TBC1D22A: variants seen among roughly 807,000 people sequenced by gnomAD.
TBC1D22A encodes the protein putative GTPase activator.
TBC1D22A carries 38 observed loss-of-function variants against 60.2 expected under a neutral mutation model. The observed-to-expected ratio is 0.63, with a 90% confidence interval of 0.49 to 0.83. The LOEUF is 0.83. Among genes scored for constraint, TBC1D22A ranks in the 40% least tolerant of loss-of-function variants. TBC1D22A has a pLI of 0.00. For missense variants in TBC1D22A, 628 were observed against 701.0 expected (o/e 0.90, Z 1.18); for synonymous variants, 302 against 281.7 (o/e 1.07, Z -0.72).
chr22:47,076,398 C>A (rs975167545), intron 11 of TBC1D22A, among the ~76,000 whole-genome samples: 2 of 102,248 alleles, frequency 2.0e-5, no homozygotes, highest in Admixed American at 1.1e-4. Flanking sequence ...CACACACACA[C>A]ACACACACAC....
intron 4 of TBC1D22A, among the ~76,000 whole-genome samples, chr22:46,808,491 A>G (rs916868712): frequency 6.6e-6 from 1 of 152,240 alleles, no homozygotes; most frequent in African/African-American, 2.4e-5. Flanking sequence ...CCAAGAATAA[A>G]GCAAATCCTT....
chr22:46,917,762 G>A (rs1246987214), intron 8 of TBC1D22A, among the ~76,000 whole-genome samples: 3 of 152,122 alleles, frequency 2.0e-5, no homozygotes, highest in East Asian at 1.9e-4. Flanking sequence ...GGAGTGCAGC[G>A]GGTCACAGGA....
At chr22:47,042,369 G>A (rs575572982) in intron 11 of TBC1D22A, among the ~76,000 whole-genome samples, 3 of 152,208 alleles carry the variant, frequency 2.0e-5, no homozygotes, top group Admixed American at 6.5e-5. Flanking sequence ...CATGGCTCCC[G>A]GTCTGTGGAA....
At chr22:46,945,543 C>T (rs2072481437) in intron 8 of TBC1D22A, among the ~76,000 whole-genome samples, 2 of 152,198 alleles carry the variant, frequency 1.3e-5, no homozygotes, top group Admixed American at 1.3e-4. Flanking sequence ...ACCCAGGCTG[C>T]AGCTGTGCTG....
rs2068176629 is a variant in TBC1D22A at position 47,165,631 on chromosome 22, G to A, written c.1426-7867G>A. ...AGTGTGGGTGCCACAGGGTTGCCGG[G>A]CTTGCTGCATGCCTCCTGGGACAAG... On this transcript the variant is annotated intron_variant, in intron 12 of 12. Coordinates refer to ENST00000337137, the MANE Select transcript of TBC1D22A (RefSeq NM_014346.5). 2.0e-5 allele frequency among the ~76,000 whole-genome samples: 3 copies of A among 152,142 alleles called. No homozygotes were observed. In the South Asian group the frequency reaches 6.2e-4, roughly 31 times the overall value.
Position 47,047,362 on chromosome 22 carries a change from G to A in TBC1D22A, c.1329+10164G>A, listed in dbSNP as rs545151165. On this transcript the variant is annotated intron_variant, in intron 11 of 12. Coordinates refer to ENST00000337137, the MANE Select transcript of TBC1D22A (RefSeq NM_014346.5). ...ATTATTGAATTGTATCTTTGTGGCCGGTGATTGAAATCATAGTCCTAAAGA... is the reference window on the plus strand; with the variant it reads ...ATTATTGAATTGTATCTTTGTGGCCAGTGATTGAAATCATAGTCCTAAAGA... Among the ~76,000 whole-genome samples, 4 of 152,336 alleles carry A rather than the reference G, an allele frequency of 2.6e-5. No homozygotes were observed. In the South Asian group the frequency reaches 8.3e-4, roughly 32 times the overall value.
At chr22:47,056,618 G>A (rs1157932981) in intron 11 of TBC1D22A, among the ~76,000 whole-genome samples, 1 of 152,120 alleles carries the variant, frequency 6.6e-6, no homozygotes, top group African/African-American at 2.4e-5. Flanking sequence ...TCTTCTCACC[G>A]CTGCCTGAGC....
chr22:46,975,866 G>A (rs2074273839), intron 9 of TBC1D22A, among the ~76,000 whole-genome samples: 1 of 152,204 alleles, frequency 6.6e-6, no homozygotes, highest in African/African-American at 2.4e-5. Context: ...GAAGCCTGTT[G>A]TGCGGTTGGA....
At chr22:47,147,346 C>G (rs897282174) in intron 12 of TBC1D22A, among the ~76,000 whole-genome samples, 1 of 152,234 alleles carries the variant, frequency 6.6e-6, no homozygotes, top group African/African-American at 2.4e-5. Context: ...ATTTCTGTGA[C>G]TCCTGTTACC....
At chr22:47,060,553 C>T (rs922247500) in intron 11 of TBC1D22A, among the ~76,000 whole-genome samples, 2 of 152,188 alleles carry the variant, frequency 1.3e-5, no homozygotes, top group East Asian at 1.9e-4. Flanking sequence ...ACCTCAGCCT[C>T]CCGAGTAGCT....
intron 11 of TBC1D22A, among the ~76,000 whole-genome samples, chr22:47,058,713 C>T (rs1004014303): frequency 1.1e-4 from 17 of 152,246 alleles, no homozygotes; most frequent in African/African-American, 4.1e-4. Context: ...GTGGCTCTGC[C>T]CCACCAGGCT....
At position 46,891,364 on chromosome 22, in the gene TBC1D22A, C is replaced by T. The variant is rs147438259; in HGVS notation, c.807C>T (p.Asn269=). ...TTGAGCACTATTACGATTCTAGGAA[C>T]GACGAAGTTCACCAGGACACATACA... ...AFIEHYYDSR[N]DEVHQDTYRQ... is the part of the protein sequence containing the mutation. Residue 269 remains asparagine (N), a synonymous_variant, in exon 6 of 13, where the codon AAC becomes AAT. Transcript: ENST00000337137. 5.0e-5 allele frequency: 80 copies of T among 1,612,476 alleles called. No homozygotes were observed. The East Asian group carries it at 8.9e-4, about 18-fold the overall frequency.
At chr22:47,089,002 C>G (rs1569434183) in intron 11 of TBC1D22A, among the ~76,000 whole-genome samples, 1 of 152,086 alleles carries the variant, frequency 6.6e-6, no homozygotes, top group Non-Finnish European at 1.5e-5. Flanking sequence ...ATAAACTAGC[C>G]AGAACTAGAG....
chr22:47,132,528 C>T (rs1258854077), intron 12 of TBC1D22A, among the ~76,000 whole-genome samples: 1 of 152,212 alleles, frequency 6.6e-6, no homozygotes, highest in Non-Finnish European at 1.5e-5. Context: ...GCCCTGCTGT[C>T]TCTGGCCTGC....
chr22:46,851,437 T>G (rs965098540), intron 4 of TBC1D22A, among the ~76,000 whole-genome samples: 1 of 152,220 alleles, frequency 6.6e-6, no homozygotes, highest in Non-Finnish European at 1.5e-5. Flanking sequence ...TCCCCAGAGC[T>G]TGGTGCCTGA....
rs546760035 is a variant in TBC1D22A at position 47,037,352 on chromosome 22, G to A, written c.1329+154G>A. 1.3e-4 allele frequency among the ~76,000 whole-genome samples: 20 copies of A among 152,128 alleles called. No homozygotes were observed. The East Asian group carries it at 3.1e-3, about 24-fold the overall frequency. On this transcript the variant is annotated intron_variant, in intron 11 of 12. Transcript: ENST00000337137. ...GTCTTTAAAAAGTATACTCCTGGCCGGGCGCGGTGGCTCATGCCTGTAATC... is the reference window on the plus strand; with the variant it reads ...GTCTTTAAAAAGTATACTCCTGGCCAGGCGCGGTGGCTCATGCCTGTAATC...
chr22:46,920,834 G>A (rs960817321), intron 8 of TBC1D22A, among the ~76,000 whole-genome samples: 4 of 151,064 alleles, frequency 2.6e-5, no homozygotes, highest in African/African-American at 4.9e-5. Flanking sequence ...GCAGTCGTGC[G>A]ATATCGGCTC....
In TBC1D22A at chr22:47,157,127, A is replaced by T. The variant is rs114276834; in HGVS notation, c.1426-16371A>T. On this transcript the variant is annotated intron_variant, in intron 12 of 12. Transcript: ENST00000337137. ...GTGCAAGGCGCCTCCTGTGGGGGTG[A>T]TTCGTCTCCTTGCAGTGCTCCTGTG... Among the ~76,000 whole-genome samples the T allele has an allele frequency of 3.5e-3, 537 of 152,298 alleles. 3 individuals carry two copies. The highest frequency in any genetic ancestry group is 0.012 in the African/African-American group (510 of 41,572).
At chr22:46,781,161 CAG>C (rs1243091649) in intron 1 of TBC1D22A, among the ~76,000 whole-genome samples, 1 of 121,944 alleles carries the variant, frequency 8.2e-6, no homozygotes, top group African/African-American at 3.1e-5. Context: ...TTTTTTTAGA[CAG>C]GGTGTCATTC....
Sources: allele counts gnomAD v4.1 joint callset (sites outside exome capture counted in the v4.1 genomes callset), GRCh38; gene constraint gnomAD v4.1.1; transcripts MANE v1.5; gene names NCBI Gene and HGNC (gene_info 2026-07-23, HGNC 2026-07-21).